Variants in STT3B observed in about 807,000 individuals in gnomAD.
STT3B encodes the protein dolichyl-diphosphooligosaccharide--protein glycosyltransferase subunit STT3B.
STT3B carries 29 observed loss-of-function variants against 96.8 expected under a neutral mutation model. The observed-to-expected ratio is 0.30, with a 90% CI of 0.22 to 0.41. The LOEUF (loss-of-function observed/expected upper bound fraction) is 0.41. Among genes scored for constraint, STT3B ranks in the 10% least tolerant of loss-of-function variants. The pLI, the probability that STT3B is intolerant of heterozygous loss-of-function variation, is 1.00. For synonymous variants in STT3B, 367 were observed against 360.0 expected (o/e 1.02, Z -0.22); for missense variants, 640 against 1,022.3 (o/e 0.63, Z 5.10).
intron 9 of STT3B, among the ~76,000 whole-genome samples, chr3:31,620,454 TTAAG>T (rs370862737): frequency 6.6e-6 from 1 of 152,236 alleles, no homozygotes; most frequent in East Asian, 1.9e-4. Flanking sequence ...AAAATTTTAT[TTAAG>T]TAGGAAGAAG....
chr3:31,610,065 A>G (rs1699147866), intron 5 of STT3B, among the ~76,000 whole-genome samples: 1 of 152,168 alleles, frequency 6.6e-6, no homozygotes, highest in Non-Finnish European at 1.5e-5. Context: ...TAAGTTAATC[A>G]TATATTTCTC....
rs547842926 is a variant in STT3B at position 31,624,791 on chromosome 3, TTTAC to T, written c.1728-119_1728-116del. 436 of 703,018 alleles carry T rather than the reference TTTAC, an allele frequency of 6.2e-4. 6 individuals carry two copies. In the South Asian group the frequency reaches 9.8e-3, roughly 16 times the overall value. The allele number at this position is 703,018 out of a possible 1,614,324, so 43.5% of individuals were successfully genotyped here. On this transcript the variant is annotated intron_variant, in intron 11 of 15. Coordinates refer to ENST00000295770, the MANE Select transcript of STT3B (RefSeq NM_178862.3). Reference sequence around the variant, plus strand: ...TTTTTTTTTCTCATTGGTAGAGGCTTTTACTTAATAACTACCATCCTTAAAATCT... The same window carrying T: ...TTTTTTTTTCTCATTGGTAGAGGCTTTTAATAACTACCATCCTTAAAATCT...
intron 5 of STT3B, among the ~76,000 whole-genome samples, chr3:31,604,510 A>G (rs1042450065): frequency 6.6e-6 from 1 of 152,188 alleles, no homozygotes. Flanking sequence ...TAATTCTACC[A>G]TACTACTGAG....
chr3:31,592,518 T>C (rs1363195065), intron 3 of STT3B, among the ~76,000 whole-genome samples: 1 of 152,192 alleles, frequency 6.6e-6, no homozygotes, highest in African/African-American at 2.4e-5. Flanking sequence ...CAAACTGTTT[T>C]CCACAACAGC....
intron 4 of STT3B, among the ~76,000 whole-genome samples, chr3:31,597,317 G>A (rs540511921): frequency 7.2e-5 from 11 of 152,004 alleles, no homozygotes; most frequent in Admixed American, 4.6e-4. Context: ...CCGCCACCAC[G>A]CCTGGCTAAT....
intron 2 of STT3B, among the ~76,000 whole-genome samples, chr3:31,577,394 T>G (rs1385937810): frequency 1.3e-5 from 2 of 152,126 alleles, no homozygotes; most frequent in Non-Finnish European, 2.9e-5. Context: ...TCATTATCAT[T>G]TAAAACAAAA....
intron 1 of STT3B, among the ~76,000 whole-genome samples, chr3:31,565,733 A>G (rs1057283659): frequency 6.6e-6 from 1 of 152,148 alleles, no homozygotes; most frequent in South Asian, 2.1e-4. Context: ...GTGAGTGAGG[A>G]TGGTTGTTAC....
chr3:31,565,608 G>A (rs534916628), intron 1 of STT3B, among the ~76,000 whole-genome samples: 45 of 152,334 alleles, frequency 3.0e-4, no homozygotes, highest in African/African-American at 1.1e-3. Context: ...TGCCAAAAAG[G>A]AGAGAAATGT....
chr3:31,563,723 TAG>T (rs1267272748), intron 1 of STT3B, among the ~76,000 whole-genome samples: 2 of 152,162 alleles, frequency 1.3e-5, no homozygotes, highest in Non-Finnish European at 2.9e-5. Context: ...GTGGCCAGGA[TAG>T]AGTTAGAAAA....
chr3:31,606,345 A>C (rs1266637921), intron 5 of STT3B, among the ~76,000 whole-genome samples: 1 of 152,238 alleles, frequency 6.6e-6, no homozygotes, highest in African/African-American at 2.4e-5. Context: ...AGACCTTTGC[A>C]GCAGCCCCTC....
chr3:31,605,862 A>G (rs1277182490), intron 5 of STT3B, among the ~76,000 whole-genome samples: 1 of 152,208 alleles, frequency 6.6e-6, no homozygotes, highest in Non-Finnish European at 1.5e-5. Flanking sequence ...AAATGTGGGA[A>G]AGTTTGGAAC....
chr3:31,552,659 G>T (rs947548270), intron 1 of STT3B, among the ~76,000 whole-genome samples: 3 of 151,922 alleles, frequency 2.0e-5, no homozygotes, highest in African/African-American at 7.3e-5. Flanking sequence ...CTCTTTTCCT[G>T]CCTTTTTGCT....
chr3:31,591,450 C>A (rs1698660940), intron 3 of STT3B, among the ~76,000 whole-genome samples: 1 of 152,084 alleles, frequency 6.6e-6, no homozygotes, highest in South Asian at 2.1e-4. Flanking sequence ...TTTGCACCTG[C>A]CATTTACTGT....
intron 1 of STT3B, among the ~76,000 whole-genome samples, chr3:31,545,902 G>A (rs1697400693): frequency 6.6e-6 from 1 of 151,694 alleles, no homozygotes; most frequent in Admixed American, 6.6e-5. Flanking sequence ...TGTGGCCCAG[G>A]GAAGCCGAAA....
intron 3 of STT3B, among the ~76,000 whole-genome samples, chr3:31,591,238 A>G (rs1698656697): frequency 2.0e-5 from 3 of 152,068 alleles, no homozygotes. Flanking sequence ...CTTTATCTCT[A>G]GGAATGTTGT....
chr3:31,610,259 A>G (rs1056683691), intron 5 of STT3B, among the ~76,000 whole-genome samples: 4 of 152,232 alleles, frequency 2.6e-5, no homozygotes, highest in Non-Finnish European at 5.9e-5. Context: ...TGTTTATAAT[A>G]AAGCAAAATT....
intron 4 of STT3B, among the ~76,000 whole-genome samples, chr3:31,598,590 A>ACC (rs1442449074): frequency 6.6e-6 from 1 of 152,200 alleles, no homozygotes; most frequent in Non-Finnish European, 1.5e-5. Flanking sequence ...GAGAAGAAAT[A>ACC]AATCCCTGTA....
rs548191444 is a variant in STT3B, at chr3:31,587,812, T to A, written c.711+7716T>A. 2.8e-3 allele frequency among the ~76,000 whole-genome samples: 431 copies of A among 152,248 alleles called. 5 individuals carry two copies. The highest frequency in any genetic ancestry group is 9.8e-3 in the African/African-American group (409 of 41,550). ...TGCACAGAGTTTTTATGCTCTATTT[T>A]AATTTTCTAGCTCAGATATTTTCTA... On this transcript the variant is annotated intron_variant, in intron 3 of 15. Transcript: ENST00000295770.
chr3:31,596,027 T>G (rs1323901197), intron 3 of STT3B, among the ~76,000 whole-genome samples: 1 of 152,220 alleles, frequency 6.6e-6, no homozygotes, highest in Non-Finnish European at 1.5e-5. Context: ...GTATCTTATC[T>G]CCACAGTACA....
Sources: allele counts gnomAD v4.1 joint callset (sites outside exome capture counted in the v4.1 genomes callset), GRCh38; gene constraint gnomAD v4.1.1; transcripts MANE v1.5; gene names NCBI Gene and HGNC (gene_info 2026-07-23, HGNC 2026-07-21).